ANXA8: variants seen among roughly 807,000 people sequenced by gnomAD.
ANXA8 encodes the protein annexin A8.
In ANXA8, 9 loss-of-function variants were observed where a neutral mutation model predicts 26.8. That is an observed-to-expected ratio of 0.34 (90% CI 0.20 to 0.59). The LOEUF (loss-of-function observed/expected upper bound fraction) is 0.59. Ranked by LOEUF, ANXA8 falls within the 20% of genes least tolerant of loss-of-function variation. The pLI is 0.84. For synonymous variants in ANXA8, 39 were observed against 94.8 expected (o/e 0.41, Z 3.42); for missense variants, 83 against 238.5 (o/e 0.35, Z 4.29).
At chr10:47,775,354 C>T in the ANXA8 span, among the ~76,000 whole-genome samples, 144,388 of 150,172 alleles carry the variant, frequency 0.96, 69,583 homozygotes, top group East Asian at 1. Context: ...GCCTGGGCAA[C>T]AGAGAGAGCC....
the ANXA8 span, among the ~76,000 whole-genome samples, chr10:47,980,629 T>C: frequency 1.3e-5 from 2 of 149,688 alleles, no homozygotes; most frequent in South Asian, 4.3e-4. Flanking sequence ...GTTTAGAGAA[T>C]GAAATAGGGC....
chr10:47,683,862 G>C, the ANXA8 span, among the ~76,000 whole-genome samples: 10 of 151,272 alleles, frequency 6.6e-5, no homozygotes, highest in South Asian at 2.1e-3. Context: ...CATTACTACA[G>C]GGAGTTTTTT....
chr10:47,762,200 G>A, the ANXA8 span, among the ~76,000 whole-genome samples: 1 of 151,796 alleles, frequency 6.6e-6, no homozygotes, highest in Admixed American at 6.6e-5. Context: ...TAGGGGAGTT[G>A]GTGCGACGCG....
chr10:47,490,635 T>C, the ANXA8 span, among the ~76,000 whole-genome samples: 1 of 142,636 alleles, frequency 7.0e-6, no homozygotes, highest in Non-Finnish European at 1.6e-5. Context: ...CCTCAGCTTT[T>C]CTCCCAACGC....
chr10:47,954,541 G>A, the ANXA8 span, among the ~76,000 whole-genome samples: 4,328 of 140,300 alleles, frequency 0.031, 19 homozygotes, highest in African/African-American at 0.064. Context: ...AAATAAGTAA[G>A]CGTGTATAAT....
At chr10:47,696,285 T>C in the ANXA8 span, 1 of 409,246 alleles carries the variant, frequency 2.4e-6, no homozygotes, top group South Asian at 5.4e-5. Context: ...ATTTAACCTA[T>C]TTGATCTCTA....
the ANXA8 span, among the ~76,000 whole-genome samples, chr10:47,957,990 T>C: frequency 1.3e-5 from 2 of 150,576 alleles, no homozygotes; most frequent in Non-Finnish European, 1.5e-5. Flanking sequence ...TTTAATTACA[T>C]CTACAAAGCC....
chr10:47,521,812 G>A, the ANXA8 span, among the ~76,000 whole-genome samples: 2 of 150,920 alleles, frequency 1.3e-5, no homozygotes, highest in African/African-American at 2.4e-5. Flanking sequence ...ACGGAGTCTC[G>A]CTCTGTCACC....
the ANXA8 span, among the ~76,000 whole-genome samples, chr10:47,559,452 C>T: frequency 1.5e-4 from 22 of 151,648 alleles, no homozygotes; most frequent in African/African-American, 4.9e-4. Context: ...TCTTAATGTG[C>T]CTTAGAATGT....
At chr10:47,559,142 CTTTTTTTT>C in the ANXA8 span, among the ~76,000 whole-genome samples, 9 of 73,308 alleles carry the variant, frequency 1.2e-4, no homozygotes, top group African/African-American at 4.7e-4. Flanking sequence ...TGGAGTCTTA[CTTTTTTTT>C]TTTTTTTTTT....
the ANXA8 span, among the ~76,000 whole-genome samples, chr10:47,938,719 C>T: frequency 6.7e-6 from 1 of 148,186 alleles, no homozygotes; most frequent in East Asian, 2.1e-4. Flanking sequence ...CTCCTCCCTC[C>T]TGCCTTGCCT....
the ANXA8 span, among the ~76,000 whole-genome samples, chr10:47,695,113 C>A: frequency 6.7e-6 from 1 of 150,092 alleles, no homozygotes; most frequent in Non-Finnish European, 1.5e-5. Context: ...GAACATGCAT[C>A]CTGAATGTTG....
chr10:47,689,321 G>C, the ANXA8 span, among the ~76,000 whole-genome samples: 4 of 151,716 alleles, frequency 2.6e-5, no homozygotes, highest in South Asian at 8.3e-4. Flanking sequence ...TGGGACTACA[G>C]GCATGTGCTA....
At chr10:47,710,466 C>T in the ANXA8 span, 1 of 655,458 alleles carries the variant, frequency 1.5e-6, no homozygotes, top group East Asian at 2.7e-5. Flanking sequence ...AATTAAGATA[C>T]AAGACCATCT....
chr10:47,694,492 C>G, the ANXA8 span, among the ~76,000 whole-genome samples: 1 of 146,392 alleles, frequency 6.8e-6, no homozygotes, highest in Non-Finnish European at 1.5e-5. Flanking sequence ...GTGATCTCTG[C>G]TCACTGCAAC....
chr10:47,474,195 TC>T (rs1839419098), intron 8 of ANXA8, 109 bp downstream of exon 8: 1 of 613,034 alleles, frequency 1.6e-6, no homozygotes, highest in Non-Finnish European at 2.9e-6. Flanking sequence ...AGTCCTGGGC[TC>T]CCTGGCTCTC....
the ANXA8 span, among the ~76,000 whole-genome samples, chr10:47,600,330 C>G: frequency 6.7e-6 from 1 of 150,292 alleles, no homozygotes; most frequent in Non-Finnish European, 1.5e-5. Flanking sequence ...AGCGCTTGGG[C>G]CAAGGTAGCT....
the ANXA8 span, among the ~76,000 whole-genome samples, chr10:47,530,308 A>G: frequency 6.8e-6 from 1 of 146,420 alleles, no homozygotes; most frequent in Non-Finnish European, 1.5e-5. Context: ...CTACCCTGTC[A>G]GAGCACTTGC....
chr10:47,761,046 G>A, the ANXA8 span: 10 of 608,224 alleles, frequency 1.6e-5, no homozygotes, highest in South Asian at 1.6e-4. Context: ...CGGGAGCCAG[G>A]AGGAGGCCAG....
Sources: gnomAD v4.1 joint callset for allele counts (sites outside exome capture counted in the v4.1 genomes callset) on GRCh38, gnomAD v4.1.1 for gene constraint, MANE v1.5 for transcripts, NCBI Gene and HGNC (gene_info 2026-07-23, HGNC 2026-07-21) for gene names.